SYNE1: variants seen among roughly 807,000 people sequenced by gnomAD.
SYNE1 encodes the protein spectrin repeat containing nuclear envelope protein 1, also known as nesprin-1.
SYNE1 carries 616 observed loss-of-function variants against 1,111.0 expected under a neutral mutation model. The observed-to-expected ratio is 0.55, with a 90% CI of 0.52 to 0.59. The LOEUF is 0.59. Among genes scored for constraint, SYNE1 ranks in the 20% least tolerant of loss-of-function variants. The pLI, the probability that SYNE1 is intolerant of heterozygous loss-of-function variation, is 0.00. For missense variants in SYNE1, 10,006 were observed against 10,417.0 expected (o/e 0.96, Z 1.72); for synonymous variants, 3,855 against 3,825.8 (o/e 1.01, Z -0.28).
chr6:152,135,394 G>A lies in SYNE1; in HGVS notation c.25660-162C>T, dbSNP rs2056827060. Among the ~76,000 whole-genome samples the A allele has an allele frequency of 5.9e-5, 9 of 152,208 alleles. No individual in the cohort carries two copies. The South Asian group carries it at 8.3e-4, about 14-fold the overall frequency. On this transcript the variant is annotated intron_variant, in intron 141 of 145. Coordinates refer to ENST00000367255, the MANE Select transcript of SYNE1 (RefSeq NM_182961.4). ...CTGGTGCTGTTGTAATGACCTGATCGTGAGTTCACGTTCTTACCAAAAGCA... is the reference window on the plus strand; with the variant it reads ...CTGGTGCTGTTGTAATGACCTGATCATGAGTTCACGTTCTTACCAAAAGCA...
intron 3 of SYNE1, among the ~76,000 whole-genome samples, chr6:152,612,323 A>C (rs889380118): frequency 6.6e-6 from 1 of 152,112 alleles, no homozygotes; most frequent in African/African-American, 2.4e-5. Flanking sequence ...ATATCACCAC[A>C]GATCCCACAG....
In SYNE1 at chr6:152,513,262, A is replaced by G. The variant is rs113604455; in HGVS notation, c.310-2159T>C. Reference sequence around the variant, plus strand: ...TCCAAAATTCATATTTTGAAATGTAACTCCCAATGTGATTGTATTTGGAGA... The same window carrying G: ...TCCAAAATTCATATTTTGAAATGTAGCTCCCAATGTGATTGTATTTGGAGA... On this transcript the variant is annotated intron_variant, in intron 6 of 145. Coordinates refer to ENST00000367255, the MANE Select transcript of SYNE1 (RefSeq NM_182961.4). Among the ~76,000 whole-genome samples the G allele has an allele frequency of 5.2e-3, 791 of 152,184 alleles. 11 individuals carry two copies. Among genetic ancestry groups the G allele is most frequent in the African/African-American group, 0.017 (716 of 41,526 alleles).
intron 127 of SYNE1, among the ~76,000 whole-genome samples, chr6:152,191,060 C>T (rs754859493): frequency 1.3e-5 from 2 of 152,148 alleles, no homozygotes; most frequent in Non-Finnish European, 2.9e-5. Flanking sequence ...TTCTGTTGAT[C>T]TGATGTACAC....
intron 14 of SYNE1, among the ~76,000 whole-genome samples, chr6:152,476,015 T>C (rs569238135): frequency 6.6e-6 from 1 of 152,334 alleles, no homozygotes; most frequent in Admixed American, 6.5e-5. Flanking sequence ...TTTTATTGGT[T>C]CTTCTACTCT....
At chr6:152,209,506 T>C (rs1374261949) in intron 124 of SYNE1, among the ~76,000 whole-genome samples, 1 of 152,076 alleles carries the variant, frequency 6.6e-6, no homozygotes, top group Non-Finnish European at 1.5e-5. Flanking sequence ...TCCCAGCACC[T>C]TGGGAGGCCG....
At chr6:152,335,637 G>A (rs1295322009) in intron 76 of SYNE1, 1 of 151,976 alleles carries the variant, frequency 6.6e-6, no homozygotes, top group African/African-American at 2.4e-5. Flanking sequence ...ACATCTTTAA[G>A]TTTATTTAAA....
At chr6:152,277,990 G>C (rs781424076) in intron 98 of SYNE1, 99 bp downstream of exon 98, 7 of 1,276,060 alleles carry the variant, frequency 5.5e-6, no homozygotes, top group Admixed American at 1.7e-5. Flanking sequence ...ACACAAGTAC[G>C]CGTCACCGCC....
In SYNE1 at chr6:152,416,992, G is replaced by T; in HGVS notation, c.5445C>A (p.Ser1815Arg). Reference protein sequence around the residue: ...RHKDHAAEVESKKGELQSLQG... With the variant: ...RHKDHAAEVERKKGELQSLQG... ...GCAGACTCTGCAATTCGCCCTTTTT[G>T]CTCTCTACTTCTGCTGCGTGGTCCT... The change falls in exon 41 of 146, where the codon AGC (serine) becomes AGA (arginine). Residue 1815 changes from serine to arginine, a missense_variant. By Grantham distance (110) the Ser-to-Arg change is moderately radical (BLOSUM62 -1). This residue lies in a region of SYNE1 where 4,955 missense variants were observed against 5,017.2 expected (regional missense o/e 0.99). Coordinates refer to ENST00000367255, the MANE Select transcript of SYNE1 (RefSeq NM_182961.4). The T allele has an allele frequency of 6.2e-7, 1 of 1,614,114 alleles. No homozygotes were observed. Among genetic ancestry groups the T allele is most frequent in the South Asian group, 1.1e-5 (1 of 91,080 alleles).
intron 96 of SYNE1, among the ~76,000 whole-genome samples, chr6:152,283,381 A>C (rs1335328462): frequency 6.6e-6 from 1 of 152,160 alleles, no homozygotes. Flanking sequence ...AATCCTCTAC[A>C]ATTATTCTTC....
chr6:152,505,488 C>T, intron 8 of SYNE1, 91 bp from the exon 9 acceptor site: 1 of 1,380,876 alleles, frequency 7.2e-7, no homozygotes, highest in Non-Finnish European at 1.0e-6. Context: ...GTGCTTTTCA[C>T]CAACGATATG....
rs973084039 is a variant in SYNE1 at position 152,121,697 on chromosome 6, T to C, written c.*739A>G. Reference sequence around the variant, plus strand: ...AAAGCACAGACAAACTATTTTATAATATCTATAATAAATGCAAAGAAATCA... The same window carrying C: ...AAAGCACAGACAAACTATTTTATAACATCTATAATAAATGCAAAGAAATCA... On this transcript the variant is annotated 3_prime_UTR_variant, in exon 146 of 146. Transcript: ENST00000367255. 3 of 152,608 alleles carry C rather than the reference T, an allele frequency of 2.0e-5. No individual in the cohort carries two copies. The highest frequency in any genetic ancestry group is 7.2e-5 in the African/African-American group (3 of 41,446). The allele number at this position is 152,608 out of a possible 1,614,324, so 9.5% of individuals were successfully genotyped here. A position where few individuals can be genotyped will look rare whatever the true frequency, so the allele number is the denominator to read the frequency against.
At chr6:152,300,018 T>C (rs142696498) in intron 93 of SYNE1, among the ~76,000 whole-genome samples, 1 of 152,348 alleles carries the variant, frequency 6.6e-6, no homozygotes, top group African/African-American at 2.4e-5. Context: ...TAGTATTATC[T>C]ACATTTAATA....
intron 3 of SYNE1, among the ~76,000 whole-genome samples, chr6:152,627,908 A>T (rs1283507776): frequency 1.3e-5 from 2 of 152,158 alleles, no homozygotes; most frequent in African/African-American, 2.4e-5. Context: ...ACTTGTCCAT[A>T]ATCTATCAAA....
chr6:152,154,861 T>C, intron 133 of SYNE1, 31 bp downstream of exon 133: 1 of 1,613,512 alleles, frequency 6.2e-7, no homozygotes, highest in African/African-American at 1.3e-5. Flanking sequence ...AATAGCAAAA[T>C]AAGGATTAAA....
At chr6:152,321,572 C>A in intron 83 of SYNE1, 149 bp downstream of exon 83, 1 of 1,239,450 alleles carries the variant, frequency 8.1e-7, no homozygotes, top group Non-Finnish European at 1.1e-6. Flanking sequence ...AGGAAAATCC[C>A]ATGAAGTAAT....
intron 3 of SYNE1, among the ~76,000 whole-genome samples, chr6:152,572,474 G>A (rs2141153): frequency 0.16 from 23,857 of 152,048 alleles, 2,092 homozygotes; most frequent in Admixed American, 0.24. Context: ...GAGCTTCAAA[G>A]CCAATAAACA....
intron 145 of SYNE1, chr6:152,128,961 G>T (rs1261687605): frequency 6.6e-6 from 1 of 152,242 alleles, no homozygotes; most frequent in African/African-American, 2.4e-5. Context: ...TGCCATTCAG[G>T]TGAAGATTAT....
At chr6:152,350,126 G>A in intron 72 of SYNE1, 42 bp downstream of exon 72, 1 of 1,611,752 alleles carries the variant, frequency 6.2e-7, no homozygotes, top group Non-Finnish European at 8.5e-7. Context: ...ACACACACTG[G>A]TGAAGCCATC....
At chr6:152,547,505 T>C (rs1331863351) in intron 3 of SYNE1, among the ~76,000 whole-genome samples, 1 of 152,228 alleles carries the variant, frequency 6.6e-6, no homozygotes, top group Non-Finnish European at 1.5e-5. Context: ...AGTTGGCTTC[T>C]TTTAGCTGAA....
Sources: gnomAD v4.1 joint callset for allele counts (sites outside exome capture counted in the v4.1 genomes callset) on GRCh38, gnomAD v4.1.1 for gene constraint, gnomAD v4.1.1 regional missense constraint, MANE v1.5 for transcripts, NCBI Gene and HGNC (gene_info 2026-07-23, HGNC 2026-07-21) for gene names.